YTHDF2: variants seen among roughly 807,000 people sequenced by gnomAD.
The protein encoded by YTHDF2 is YTH N6-methyladenosine RNA binding protein F2, also known as YTH domain-containing family protein 2.
Under a neutral mutation model 50.4 loss-of-function variants are expected in YTHDF2, and 2 were observed. That is an observed-to-expected ratio of 0.04 (90% confidence interval 0.02 to 0.12). The LOEUF (loss-of-function observed/expected upper bound fraction) is 0.12, where lower values mean the gene tolerates loss of function less well. Ranked by LOEUF, YTHDF2 falls within the 10% of genes least tolerant of loss-of-function variation. The pLI is 1.00. For missense variants in YTHDF2, 483 were observed against 722.6 expected (o/e 0.67, Z 3.80); for synonymous variants, 217 against 255.6 (o/e 0.85, Z 1.44).
chr1:28,747,696 G>A (rs902913147), intron 4 of YTHDF2, among the ~76,000 whole-genome samples: 1 of 150,704 alleles, frequency 6.6e-6, no homozygotes, highest in Admixed American at 6.6e-5. Context: ...GGGATTACAG[G>A]CGTGAGCCAC....
At chr1:28,752,684 G>T (rs1483691602) in intron 4 of YTHDF2, among the ~76,000 whole-genome samples, 4 of 151,990 alleles carry the variant, frequency 2.6e-5, no homozygotes, top group Non-Finnish European at 5.9e-5. Context: ...TAGTGATGGA[G>T]AAAATATTGA....
chr1:28,768,308 G>T (rs779767547), intron 4 of YTHDF2, among the ~76,000 whole-genome samples: 6 of 152,116 alleles, frequency 3.9e-5, no homozygotes, highest in Non-Finnish European at 7.4e-5. Context: ...TTAAGAAAAT[G>T]AGCATTGGGA....
At chr1:28,741,342 G>A (rs2087773606) in intron 3 of YTHDF2, among the ~76,000 whole-genome samples, 1 of 151,534 alleles carries the variant, frequency 6.6e-6, no homozygotes, top group Admixed American at 6.6e-5. Context: ...CTGTTGCCTG[G>A]GCTAGAGTGC....
At chr1:28,737,503 C>A in intron 1 of YTHDF2, 155 bp from the exon 2 acceptor site, 1 of 1,038,626 alleles carries the variant, frequency 9.6e-7, no homozygotes, top group Non-Finnish European at 1.4e-6. Context: ...CTTTCCCCCG[C>A]CTCCCATTTT....
At chr1:28,757,863 T>G (rs550152857) in intron 4 of YTHDF2, among the ~76,000 whole-genome samples, 1 of 152,314 alleles carries the variant, frequency 6.6e-6, no homozygotes, top group African/African-American at 2.4e-5. Context: ...ATCCTCTTTT[T>G]CTTAGTGCTT....
Position 28,743,761 on chromosome 1 carries a change from C to T in YTHDF2, c.1491C>T (p.Val497=). The T allele has an allele frequency of 6.2e-7, 1 of 1,613,152 alleles. No individual in the cohort carries two copies. Among genetic ancestry groups the T allele is most frequent in the Non-Finnish European group, 8.5e-7 (1 of 1,179,546 alleles). Residue 497 remains valine (V), a synonymous_variant, in exon 4 of 5, where the codon GTC becomes GTT. Transcript: ENST00000373812. The surrounding 1 kb of genome is among the most constrained non-coding windows in gnomAD (Gnocchi z 6.9). ...SQDKWKGRFD[V]RWIFVKDVPN... is the part of the protein sequence containing the mutation. ...ACAAATGGAAGGGTCGTTTTGATGT[C>T]AGGTGGATTTTTGTGAAGGACGTTC...
At chr1:28,749,381 C>T (rs974434319) in intron 4 of YTHDF2, among the ~76,000 whole-genome samples, 3 of 151,834 alleles carry the variant, frequency 2.0e-5, no homozygotes, top group Non-Finnish European at 2.9e-5. Context: ...GGGTTTTCAC[C>T]GTGTTAGCCA....
intron 4 of YTHDF2, among the ~76,000 whole-genome samples, chr1:28,748,920 A>G (rs968099289): frequency 6.6e-6 from 1 of 152,208 alleles, no homozygotes; most frequent in Non-Finnish European, 1.5e-5. Flanking sequence ...ATAACACTAC[A>G]CTGAACATCC....
intron 4 of YTHDF2, among the ~76,000 whole-genome samples, chr1:28,748,285 C>G (rs1197281681): frequency 6.6e-6 from 1 of 152,138 alleles, no homozygotes; most frequent in Non-Finnish European, 1.5e-5. Context: ...ACTGTTCTTA[C>G]AATCTTTATT....
At chr1:28,758,515 C>T (rs527737182) in intron 4 of YTHDF2, among the ~76,000 whole-genome samples, 2 of 152,282 alleles carry the variant, frequency 1.3e-5, no homozygotes, top group East Asian at 1.9e-4. Flanking sequence ...TCACAAGTCT[C>T]AAAATGGAAT....
At chr1:28,759,923 T>C (rs2088088955) in intron 4 of YTHDF2, among the ~76,000 whole-genome samples, 1 of 152,174 alleles carries the variant, frequency 6.6e-6, no homozygotes, top group Admixed American at 6.5e-5. Context: ...GCCACTGTGC[T>C]CCAGCGTGGG....
Position 28,745,736 on chromosome 1 carries a change from C to CCA in YTHDF2, c.1716+1750_1716+1751insCA, listed in dbSNP as rs1491144713. Among the ~76,000 whole-genome samples, 66 of 108,392 alleles carry CCA rather than the reference C, an allele frequency of 6.1e-4. 1 individual carries two copies. The highest frequency in any genetic ancestry group is 5.6e-3 in the Middle Eastern group (1 of 180). 71.1% of individuals were successfully genotyped at this position (108,392 alleles called of 152,430 possible). ...CCCATCTCCCCCCGCCCCCCCCCCC[C>CCA]AAAAAAAAACTAACATATTTTGGCC... On this transcript the variant is annotated intron_variant, in intron 4 of 4. Transcript: ENST00000373812.
chr1:28,756,882 C>G (rs1179327091), intron 4 of YTHDF2, among the ~76,000 whole-genome samples: 1 of 152,124 alleles, frequency 6.6e-6, no homozygotes, highest in African/African-American at 2.4e-5. Flanking sequence ...GAAAAAAAAG[C>G]TCTGTTCTTT....
At chr1:28,737,703 G>A in intron 2 of YTHDF2, 21 bp downstream of exon 2, 1 of 1,613,232 alleles carries the variant, frequency 6.2e-7, no homozygotes, top group South Asian at 1.1e-5. Context: ...CTCCGCCGGT[G>A]GCCCTGAGCC....
At chr1:28,764,900 G>A (rs77964509) in intron 4 of YTHDF2, among the ~76,000 whole-genome samples, 9,040 of 151,944 alleles carry the variant, frequency 0.059, 376 homozygotes, top group Middle Eastern at 0.14. Flanking sequence ...GTCTCGCTAT[G>A]TTCTCTAGGC....
intron 3 of YTHDF2, among the ~76,000 whole-genome samples, chr1:28,741,429 C>G (rs1162636761): frequency 2.0e-5 from 3 of 152,174 alleles, no homozygotes; most frequent in African/African-American, 7.2e-5. Context: ...TCCTGAGTAG[C>G]TGGGCCTACA....
intron 2 of YTHDF2, 90 bp downstream of exon 2, chr1:28,737,772 C>G: frequency 6.6e-7 from 1 of 1,523,272 alleles, no homozygotes; most frequent in Middle Eastern, 2.3e-4. Context: ...GGGCGGAGGA[C>G]CTTTCGGAAG....
intron 4 of YTHDF2, among the ~76,000 whole-genome samples, chr1:28,765,897 GTA>G (rs1228006740): frequency 1.3e-5 from 2 of 152,178 alleles, no homozygotes; most frequent in African/African-American, 4.8e-5. Context: ...ATTTTAGTGT[GTA>G]GTTCCCAAGA....
At position 28,743,307 on chromosome 1, in the gene YTHDF2, C is replaced by G; in HGVS notation, c.1037C>G (p.Ala346Gly). The G allele has an allele frequency of 6.2e-7, 1 of 1,614,166 alleles. No individual in the cohort carries two copies. Among genetic ancestry groups the G allele is most frequent in the Non-Finnish European group, 8.5e-7 (1 of 1,180,042 alleles). ...CAGCTTTCAGTCCAGCAACAGGCAGCTCAGCCAACCCGCTGGGTAGCACCT... is the reference window on the plus strand; with the variant it reads ...CAGCTTTCAGTCCAGCAACAGGCAGGTCAGCCAACCCGCTGGGTAGCACCT... ...PAQLSVQQQA[A>G]QPTRWVAPRN... The change falls in exon 4 of 5, where the codon GCT (alanine) becomes GGT (glycine). Residue 346 changes from alanine (A) to glycine (G), a missense_variant. Ala to Gly is a moderately conservative substitution (Grantham distance 60). This residue lies in a region of YTHDF2 where 385 missense variants were observed against 475.8 expected (regional missense o/e 0.81). Coordinates refer to ENST00000373812, the MANE Select transcript of YTHDF2 (RefSeq NM_016258.3). This position sits in a 1 kb window ranked among gnomAD's most constrained non-coding sequence, Gnocchi z 6.9.
Sources: allele counts gnomAD v4.1 joint callset (sites outside exome capture counted in the v4.1 genomes callset), GRCh38; gene constraint gnomAD v4.1.1; regional missense constraint gnomAD v4.1.1; non-coding constraint Gnocchi (gnomAD v3.1); transcripts MANE v1.5; gene names NCBI Gene and HGNC (gene_info 2026-07-23, HGNC 2026-07-21).